Variants in NSD1 observed in about 807,000 individuals in gnomAD.
The protein encoded by NSD1 is histone-lysine N-methyltransferase, H3 lysine-36 specific.
Under a neutral mutation model 242.7 loss-of-function variants are expected in NSD1, and 26 were observed. That is an observed-to-expected ratio of 0.11 (90% CI 0.08 to 0.15). The LOEUF (loss-of-function observed/expected upper bound fraction) is 0.15, where lower values mean the gene tolerates loss of function less well. Among genes scored for constraint, NSD1 ranks in the 10% least tolerant of loss-of-function variants. NSD1 has a pLI of 1.00. For synonymous variants in NSD1, 1,106 were observed against 1,178.1 expected (o/e 0.94, Z 1.25); for missense variants, 2,495 against 3,272.8 (o/e 0.76, Z 5.80).
intron 2 of NSD1, among the ~76,000 whole-genome samples, chr5:177,145,580 T>C (rs1329126481): frequency 6.6e-6 from 1 of 152,188 alleles, no homozygotes; most frequent in South Asian, 2.1e-4. Flanking sequence ...TATGAAATTT[T>C]TGTTTAGATA....
At chr5:177,258,756 G>A (rs1343775557) in intron 13 of NSD1, among the ~76,000 whole-genome samples, 7 of 151,982 alleles carry the variant, frequency 4.6e-5, no homozygotes, top group Admixed American at 4.6e-4. Flanking sequence ...GGCTGGTCTC[G>A]AACTCCTGAC....
intron 14 of NSD1, chr5:177,265,283 A>C: frequency 1.5e-6 from 1 of 683,208 alleles, no homozygotes; most frequent in East Asian, 2.5e-5. Flanking sequence ...CTGTTAAAAA[A>C]AAAAAGCAAA....
At chr5:177,140,718 AG>A (rs1189450393) in intron 2 of NSD1, among the ~76,000 whole-genome samples, 2 of 152,042 alleles carry the variant, frequency 1.3e-5, no homozygotes. Context: ...CTCTAAAGAA[AG>A]GGGGTAAATC....
chr5:177,209,897 A>G lies in NSD1; in HGVS notation c.1498A>G (p.Arg500Gly), dbSNP rs758487711. 1 of 1,614,200 alleles carries G rather than the reference A, an allele frequency of 6.2e-7. No individual in the cohort carries two copies. Among genetic ancestry groups the G allele is most frequent in the South Asian group, 1.1e-5 (1 of 91,086 alleles). Residue 500 changes from arginine (R) to glycine (G), a missense_variant, in exon 5 of 23, where the codon AGA (arginine) becomes GGA (glycine). By Grantham distance (125) the Arg-to-Gly change is moderately radical. This residue lies in a region of NSD1 where 515 missense variants were observed against 467.0 expected (regional missense o/e 1.10). Transcript: ENST00000439151. Reference sequence around the variant, plus strand: ...AAAGCCTTGCGCTAAATCTCGAGCCAGAAAGAGCTCTGATAATCCAAAAAG... The same window carrying G: ...AAAGCCTTGCGCTAAATCTCGAGCCGGAAAGAGCTCTGATAATCCAAAAAG... ...KEKPCAKSRA[R>G]KSSDNPKRTS...
chr5:177,179,302 G>A lies in NSD1; in HGVS notation c.928-12582G>A, dbSNP rs1315903590. ...AGGATCTCAGCTCACCATAACCTCC[G>A]CCTCCTGGGTTCAAGCAATTCTCCT... is the stretch of plus-strand genomic sequence containing the variant. On this transcript the variant is annotated intron_variant, in intron 2 of 22. Coordinates refer to ENST00000439151, the MANE Select transcript of NSD1 (RefSeq NM_022455.5). Among the ~76,000 whole-genome samples, 4 of 151,926 alleles carry A rather than the reference G, an allele frequency of 2.6e-5. No homozygotes were observed. In the East Asian group the frequency reaches 5.8e-4, roughly 22 times the overall value.
At chr5:177,190,404 C>T (rs983283372) in intron 2 of NSD1, among the ~76,000 whole-genome samples, 2 of 152,226 alleles carry the variant, frequency 1.3e-5, no homozygotes, top group African/African-American at 2.4e-5. Context: ...CTCAGCCTCC[C>T]GAGTAGCTGG....
intron 2 of NSD1, among the ~76,000 whole-genome samples, chr5:177,150,282 C>T (rs1402656823): frequency 6.6e-6 from 1 of 152,020 alleles, no homozygotes; most frequent in African/African-American, 2.4e-5. Context: ...TACAGGCACC[C>T]GCCACGACGC....
intron 14 of NSD1, chr5:177,264,724 G>T (rs1012495594): frequency 1.5e-6 from 1 of 671,818 alleles, no homozygotes; most frequent in Non-Finnish European, 2.7e-6. Flanking sequence ...TTAAGTAAAG[G>T]CCCTTTTGGC....
At chr5:177,248,591 A>C (rs1023876308) in intron 11 of NSD1, among the ~76,000 whole-genome samples, 1 of 152,190 alleles carries the variant, frequency 6.6e-6, no homozygotes, top group Non-Finnish European at 1.5e-5. Context: ...GAATATGTGA[A>C]TCTCTGGTTG....
chr5:177,228,576 T>G (rs1562234458), intron 5 of NSD1, among the ~76,000 whole-genome samples: 1 of 152,092 alleles, frequency 6.6e-6, no homozygotes, highest in Non-Finnish European at 1.5e-5. Context: ...TGCCTTTTTT[T>G]TTGTTTCTTT....
At chr5:177,192,434 T>C (rs1471266633) in intron 3 of NSD1, among the ~76,000 whole-genome samples, 1 of 152,156 alleles carries the variant, frequency 6.6e-6, no homozygotes, top group African/African-American at 2.4e-5. Context: ...TTTGCTCTTG[T>C]TGCCCAGGCT....
chr5:177,204,099 G>T (rs1432069898), intron 3 of NSD1, 21 bp from the exon 4 acceptor site: 1 of 1,610,542 alleles, frequency 6.2e-7, no homozygotes, highest in African/African-American at 1.3e-5. Context: ...TAATGATTCT[G>T]GTTCTCTTAC....
chr5:177,281,026 G>T (rs1271015800), intron 18 of NSD1, among the ~76,000 whole-genome samples, 192 bp downstream of exon 18: 1 of 152,162 alleles, frequency 6.6e-6, no homozygotes, highest in East Asian at 1.9e-4. Flanking sequence ...CAAGTCCTTT[G>T]TATTGATCAT....
chr5:177,175,702 T>C (rs1453216095), intron 2 of NSD1, among the ~76,000 whole-genome samples: 1 of 152,144 alleles, frequency 6.6e-6, no homozygotes, highest in African/African-American at 2.4e-5. Context: ...TAGCCTTGAG[T>C]ATAATAGTGT....
At chr5:177,232,792 G>A (rs1765158203) in intron 5 of NSD1, among the ~76,000 whole-genome samples, 1 of 152,210 alleles carries the variant, frequency 6.6e-6, no homozygotes, top group Non-Finnish European at 1.5e-5. Context: ...TATCCCCATA[G>A]ATTAGAGTAA....
chr5:177,238,020 A>G lies in NSD1; in HGVS notation c.3922-217A>G, dbSNP rs1349805177. On this transcript the variant is annotated intron_variant, in intron 6 of 22. Coordinates refer to ENST00000439151, the MANE Select transcript of NSD1 (RefSeq NM_022455.5). This position sits in a 1 kb window ranked among gnomAD's most constrained non-coding sequence, Gnocchi z 4.6. ...TGCCATTCTATTTTCTGTCTCAAGA[A>G]TTTTCTTATTCTAGATACCTCATAT... Among the ~76,000 whole-genome samples the G allele has an allele frequency of 6.6e-6, 1 of 152,052 alleles. No individual in the cohort carries two copies. Among genetic ancestry groups the G allele is most frequent in the East Asian group, 1.9e-4 (1 of 5,188 alleles).
At chr5:177,258,074 G>A (rs538165336) in intron 13 of NSD1, among the ~76,000 whole-genome samples, 33 of 134,908 alleles carry the variant, frequency 2.4e-4, no homozygotes, top group South Asian at 1.2e-3. Context: ...TCTGCCTCCC[G>A]GGTTCAAGCG....
intron 2 of NSD1, among the ~76,000 whole-genome samples, chr5:177,173,466 CTTTTTTT>C (rs768982432): frequency 6.4e-5 from 4 of 62,208 alleles, no homozygotes; most frequent in Admixed American, 2.3e-4. Flanking sequence ...TACTATCTGG[CTTTTTTT>C]TTTTTTTTTT....
chr5:177,274,697 T>TTGTGTGTGTGTGTG (rs138385964), intron 17 of NSD1, among the ~76,000 whole-genome samples: 11 of 145,444 alleles, frequency 7.6e-5, no homozygotes, highest in Admixed American at 1.4e-4. Context: ...CACTTATCCT[T>TTGTGTGTGTGTGTG]TGTGTGTGTG....
Sources: gnomAD v4.1 joint callset for allele counts (sites outside exome capture counted in the v4.1 genomes callset) on GRCh38, gnomAD v4.1.1 for gene constraint, gnomAD v4.1.1 regional missense constraint, Gnocchi (gnomAD v3.1) non-coding constraint, MANE v1.5 for transcripts, NCBI Gene and HGNC (gene_info 2026-07-23, HGNC 2026-07-21) for gene names.